RXRG: variants seen among roughly 807,000 people sequenced by gnomAD.
RXRG encodes retinoid X receptor gamma.
Under a neutral mutation model 49.2 loss-of-function variants are expected in RXRG, and 19 were observed. The observed-to-expected ratio is 0.39, with a 90% CI of 0.27 to 0.57. The LOEUF (loss-of-function observed/expected upper bound fraction) is 0.57, where lower values mean the gene tolerates loss of function less well. Among genes scored for constraint, RXRG ranks in the 20% least tolerant of loss-of-function variants. The pLI, the probability that RXRG is intolerant of heterozygous loss-of-function variation, is 0.64. For missense variants in RXRG, 452 were observed against 592.5 expected (o/e 0.76, Z 2.46); for synonymous variants, 224 against 216.6 (o/e 1.03, Z -0.30).
rs759107051 is a variant in RXRG at position 165,428,860 on chromosome 1, G to A, written c.156C>T (p.Ala52=). Reference sequence around the variant, plus strand: ...TCCCCACTGCACTCAGAGTCCGTGGGGCACTCACTGGGGTATCTGTGTAGC... The same window carrying A: ...TCCCCACTGCACTCAGAGTCCGTGGAGCACTCACTGGGGTATCTGTGTAGC... ...HPSYTDTPVS[A]PRTLSAVGTP... The change falls in exon 2 of 10, where the codon GCC becomes GCT. Residue 52 remains alanine (A), a synonymous_variant. Coordinates refer to ENST00000359842, the MANE Select transcript of RXRG (RefSeq NM_006917.5). 3 of 1,614,132 alleles carry A rather than the reference G, an allele frequency of 1.9e-6. No homozygotes were observed. The highest frequency in any genetic ancestry group is 2.5e-6 in the Non-Finnish European group (3 of 1,180,008).
At chr1:165,425,553 C>A (rs1272355103) in intron 2 of RXRG, among the ~76,000 whole-genome samples, 1 of 152,142 alleles carries the variant, frequency 6.6e-6, no homozygotes, top group Non-Finnish European at 1.5e-5. Flanking sequence ...TCTGTAACTA[C>A]CAGATTTTAC....
intron 6 of RXRG, 104 bp downstream of exon 6, chr1:165,410,598 G>A: frequency 7.7e-7 from 1 of 1,297,712 alleles, no homozygotes; most frequent in Non-Finnish European, 1.1e-6. Context: ...CATCAGCATG[G>A]TACATAGCTT....
At chr1:165,436,585 T>C (rs1406597241) in intron 1 of RXRG, among the ~76,000 whole-genome samples, 1 of 152,186 alleles carries the variant, frequency 6.6e-6, no homozygotes, top group African/African-American at 2.4e-5. Flanking sequence ...AAATAAGACA[T>C]GGATTCTGCC....
chr1:165,409,788 G>T, intron 6 of RXRG, 98 bp from the exon 7 acceptor site: 1 of 1,129,664 alleles, frequency 8.9e-7, no homozygotes, highest in Non-Finnish European at 1.2e-6. Flanking sequence ...CATAACACAA[G>T]CAGAATTGAC....
intron 4 of RXRG, among the ~76,000 whole-genome samples, chr1:165,413,718 G>A (rs1658028516): frequency 6.6e-6 from 1 of 152,196 alleles, no homozygotes; most frequent in African/African-American, 2.4e-5. Context: ...TTCCTGAGGT[G>A]GCCCACTAAT....
intron 9 of RXRG, among the ~76,000 whole-genome samples, chr1:165,401,748 C>T (rs1442311193): frequency 1.3e-5 from 2 of 152,246 alleles, no homozygotes; most frequent in Admixed American, 1.3e-4. Context: ...ACTGGCTCCT[C>T]ACATTCTCTG....
chr1:165,443,721 G>A (rs767481286), intron 1 of RXRG, among the ~76,000 whole-genome samples: 2 of 152,128 alleles, frequency 1.3e-5, no homozygotes, highest in African/African-American at 2.4e-5. Flanking sequence ...AACACCTCCT[G>A]GTGACAGAGA....
chr1:165,411,215 CAT>C, intron 4 of RXRG, 106 bp from the exon 5 acceptor site: 1 of 1,131,264 alleles, frequency 8.8e-7, no homozygotes, highest in Non-Finnish European at 1.2e-6. Context: ...AAAGGGGAAT[CAT>C]TATGATCCTG....
At chr1:165,429,917 G>A (rs1179645576) in intron 1 of RXRG, among the ~76,000 whole-genome samples, 1 of 152,092 alleles carries the variant, frequency 6.6e-6, no homozygotes, top group Non-Finnish European at 1.5e-5. Context: ...GCCCCGCATG[G>A]AACATTCTCT....
intron 9 of RXRG, 128 bp downstream of exon 9, chr1:165,406,684 C>G: frequency 4.2e-6 from 3 of 719,548 alleles, no homozygotes; most frequent in Non-Finnish European, 7.1e-6. Flanking sequence ...TTGTGGCTTT[C>G]AGCTTGTTAT....
At chr1:165,402,810 C>A (rs574378198) in intron 9 of RXRG, among the ~76,000 whole-genome samples, 1 of 152,144 alleles carries the variant, frequency 6.6e-6, no homozygotes, top group South Asian at 2.1e-4. Context: ...TGTTTGCACA[C>A]GCATCCACAC....
intron 1 of RXRG, among the ~76,000 whole-genome samples, chr1:165,438,315 T>C (rs1482439604): frequency 6.6e-6 from 1 of 151,812 alleles, no homozygotes; most frequent in Non-Finnish European, 1.5e-5. Flanking sequence ...TTTTGGATTA[T>C]AGATGCTCAA....
intron 9 of RXRG, among the ~76,000 whole-genome samples, chr1:165,401,735 C>T (rs1657573617): frequency 6.6e-6 from 1 of 152,242 alleles, no homozygotes; most frequent in Admixed American, 6.5e-5. Flanking sequence ...CTTTGCCAGC[C>T]ATACTGGCTC....
Position 165,419,858 on chromosome 1 carries a change from T to C in RXRG, c.442+12A>G, listed in dbSNP as rs1658249971. The C allele has an allele frequency of 1.3e-6, 2 of 1,597,058 alleles. No individual in the cohort carries two copies. The highest frequency in any genetic ancestry group is 1.7e-6 in the Non-Finnish European group (2 of 1,170,318). Reference sequence around the variant, plus strand: ...GTGGCACTTTTCAGGGAGTGTCTGCTTCTGCATGTACCTGAGGATCTGTCT... The same window carrying C: ...GTGGCACTTTTCAGGGAGTGTCTGCCTCTGCATGTACCTGAGGATCTGTCT... On this transcript the variant is annotated intron_variant, in intron 3 of 9. Transcript: ENST00000359842.
chr1:165,431,187 C>T (rs1658661281), intron 1 of RXRG, among the ~76,000 whole-genome samples: 1 of 152,192 alleles, frequency 6.6e-6, no homozygotes, highest in South Asian at 2.1e-4. Flanking sequence ...CCCACGCTCT[C>T]CTCTGTGTTT....
rs114970827 is a variant in RXRG, at chr1:165,431,935, A to G, written c.50-2969T>C. 6.9e-3 allele frequency among the ~76,000 whole-genome samples: 1,050 copies of G among 152,362 alleles called. 17 individuals are homozygous for G. Among genetic ancestry groups the G allele is most frequent in the African/African-American group, 0.025 (1,019 of 41,582 alleles). ...TTGTTATAAAATTATCTTCCTAAAG[A>G]TAGCTATTTAAGCTTTCTTAAAACA... is the stretch of plus-strand genomic sequence containing the variant. On this transcript the variant is annotated intron_variant, in intron 1 of 9. Transcript: ENST00000359842.
intron 1 of RXRG, among the ~76,000 whole-genome samples, chr1:165,439,767 G>A (rs1423680541): frequency 2.0e-5 from 3 of 152,184 alleles, no homozygotes; most frequent in Non-Finnish European, 4.4e-5. Context: ...TTTCTACATC[G>A]GTTAAAATGT....
At chr1:165,424,964 T>C in intron 2 of RXRG, 2 of 985,522 alleles carry the variant, frequency 2.0e-6, no homozygotes, top group Non-Finnish European at 2.4e-6. Flanking sequence ...CCCAGAACAC[T>C]GCTCAGGGTC....
intron 1 of RXRG, among the ~76,000 whole-genome samples, chr1:165,442,988 G>T (rs1483125255): frequency 6.6e-6 from 1 of 152,170 alleles, no homozygotes; most frequent in Non-Finnish European, 1.5e-5. Context: ...GGGCTTTTCT[G>T]GAAGTGTTCT....
Sources: gnomAD v4.1 joint callset for allele counts (sites outside exome capture counted in the v4.1 genomes callset) on GRCh38, gnomAD v4.1.1 for gene constraint, MANE v1.5 for transcripts, NCBI Gene and HGNC (gene_info 2026-07-23, HGNC 2026-07-21) for gene names.